STIM1: variants seen among roughly 807,000 people sequenced by gnomAD.
STIM1 encodes stromal interaction molecule 1.
In STIM1, 25 loss-of-function variants were observed where a neutral mutation model predicts 74.7. The observed-to-expected ratio is 0.33, with a 90% CI of 0.24 to 0.47. The LOEUF is 0.47. Ranked by LOEUF, STIM1 falls within the 20% of genes least tolerant of loss-of-function variation. The pLI is 1.00. For synonymous variants in STIM1, 328 were observed against 348.8 expected, an observed-to-expected ratio of 0.94 and a Z score of 0.66; for missense variants, 728 against 920.8, an observed-to-expected ratio of 0.79 and a Z score of 2.71.
chr11:4,070,653 A>G (rs2094397648), intron 6 of STIM1, among the ~76,000 whole-genome samples: 1 of 152,202 alleles, frequency 6.6e-6, no homozygotes, highest in Admixed American at 6.5e-5. Flanking sequence ...CTAACTTGCT[A>G]TATAACTTTG....
At chr11:4,087,761 T>C (rs530229049) in intron 12 of STIM1, among the ~76,000 whole-genome samples, 1 of 149,440 alleles carries the variant, frequency 6.7e-6, no homozygotes, top group African/African-American at 2.5e-5. Flanking sequence ...TAAAAAGACA[T>C]GATAAATTTG....
In STIM1 at chr11:3,856,114, G is replaced by A; in HGVS notation, c.-157G>A. Reference sequence around the variant, plus strand: ...CCCAAACTTGGAGCACTTGACCTTTGGCTGTTGGAGGGGGCAGGCTCGCGG... The same window carrying A: ...CCCAAACTTGGAGCACTTGACCTTTAGCTGTTGGAGGGGGCAGGCTCGCGG... On this transcript the variant is annotated 5_prime_UTR_variant, in exon 1 of 13. Transcript: ENST00000526596. The A allele has an allele frequency of 1.1e-6, 1 of 905,954 alleles. No homozygotes were observed. 56.1% of individuals were successfully genotyped at this position (905,954 alleles called of 1,614,324 possible). A position where few individuals can be genotyped will look rare whatever the true frequency, so the allele number is the denominator to read the frequency against.
At chr11:3,917,608 C>T (rs2092664863) in intron 1 of STIM1, among the ~76,000 whole-genome samples, 1 of 151,832 alleles carries the variant, frequency 6.6e-6, no homozygotes, top group South Asian at 2.1e-4. Flanking sequence ...ATAATTTTTG[C>T]ATTTTTTGTA....
intron 1 of STIM1, among the ~76,000 whole-genome samples, chr11:3,857,071 T>C (rs973573300): frequency 2.0e-5 from 3 of 147,124 alleles, no homozygotes; most frequent in African/African-American, 7.5e-5. Context: ...TTCTGACTGA[T>C]GAGGGTGGGA....
chr11:4,003,684 G>A (rs940447223), intron 2 of STIM1, among the ~76,000 whole-genome samples: 11 of 151,972 alleles, frequency 7.2e-5, no homozygotes, highest in East Asian at 3.9e-4. Context: ...GGCACAAGAC[G>A]GGATGCCCTC....
rs2094334845 is a variant in STIM1 at position 4,062,078 on chromosome 11, A to G, written c.613+2682A>G. Among the ~76,000 whole-genome samples the G allele has an allele frequency of 2.0e-5, 3 of 152,246 alleles. No individual in the cohort carries two copies. The South Asian group carries it at 6.2e-4, about 31-fold the overall frequency. ...TAGATAGAGGTAGTGGTTGCATAAC[A>G]TCATGAATGTGCTATATGCCACTGA... On this transcript the variant is annotated intron_variant, in intron 5 of 12. Coordinates refer to ENST00000526596, the MANE Select transcript of STIM1 (RefSeq NM_001382567.1).
intron 1 of STIM1, among the ~76,000 whole-genome samples, chr11:3,925,570 T>G (rs929234078): frequency 6.6e-6 from 1 of 152,250 alleles, no homozygotes; most frequent in African/African-American, 2.4e-5. Context: ...TCTTTGGACT[T>G]TAAACACTAC....
rs201177133 is a variant in STIM1 at position 3,967,607 on chromosome 11, C to T, written c.195C>T (p.Phe65=). ...LCHSEDEKLS[F]EAVRNIHKLM... ...ACAGTGAGGATGAGAAACTCAGCTTCGAGGCAGTCCGTAACATCCACAAAC... is the reference window on the plus strand; with the variant it reads ...ACAGTGAGGATGAGAAACTCAGCTTTGAGGCAGTCCGTAACATCCACAAAC... Residue 65 remains phenylalanine (F), a synonymous_variant, in exon 2 of 13, where the codon TTC becomes TTT. Transcript: ENST00000526596. The T allele has an allele frequency of 3.7e-5, 59 of 1,614,072 alleles. No individual in the cohort carries two copies. The highest frequency in any genetic ancestry group is 4.7e-5 in the Non-Finnish European group (56 of 1,180,044).
At chr11:3,888,174 CT>C (rs1158497253) in intron 1 of STIM1, 1 of 152,082 alleles carries the variant, frequency 6.6e-6, no homozygotes, top group African/African-American at 2.4e-5. Flanking sequence ...TTTAGGTCTG[CT>C]TGAGTTAAGG....
chr11:3,930,024 A>G (rs979287857), intron 1 of STIM1, among the ~76,000 whole-genome samples: 8 of 152,134 alleles, frequency 5.3e-5, no homozygotes, highest in African/African-American at 1.9e-4. Context: ...ATCCCCTTTT[A>G]GGAGGTAATG....
chr11:3,881,078 G>A (rs1307473169), intron 1 of STIM1, among the ~76,000 whole-genome samples: 5 of 146,808 alleles, frequency 3.4e-5, no homozygotes, highest in East Asian at 2.0e-4. Context: ...GTATGGTGAC[G>A]TAGGCCGTTT....
At chr11:3,878,121 G>A (rs544206723) in intron 1 of STIM1, among the ~76,000 whole-genome samples, 1 of 152,260 alleles carries the variant, frequency 6.6e-6, no homozygotes, top group South Asian at 2.1e-4. Flanking sequence ...TAAGGGTCCT[G>A]GCTGTGTCCT....
chr11:4,032,627 T>G (rs920922771), intron 3 of STIM1, among the ~76,000 whole-genome samples: 3 of 152,202 alleles, frequency 2.0e-5, no homozygotes, highest in Non-Finnish European at 2.9e-5. Context: ...TTCAAAATAC[T>G]GATGTTCTTT....
chr11:3,946,454 T>C (rs893368862), intron 1 of STIM1, among the ~76,000 whole-genome samples: 6 of 152,156 alleles, frequency 3.9e-5, no homozygotes, highest in African/African-American at 1.4e-4. Context: ...GAGGTGATGT[T>C]TTCTGGATAT....
At chr11:4,082,775 C>T in intron 8 of STIM1, 107 bp from the exon 9 acceptor site, 1 of 866,110 alleles carries the variant, frequency 1.2e-6, no homozygotes, top group Middle Eastern at 2.4e-4. Flanking sequence ...CTTGTACAGC[C>T]TCAGTTGTGC....
At chr11:3,883,092 G>T (rs2091577266) in intron 1 of STIM1, among the ~76,000 whole-genome samples, 1 of 151,476 alleles carries the variant, frequency 6.6e-6, no homozygotes. Context: ...AACATTTTGG[G>T]GCAAACCTTT....
chr11:4,032,477 C>G (rs2094059300), intron 3 of STIM1, among the ~76,000 whole-genome samples: 1 of 152,106 alleles, frequency 6.6e-6, no homozygotes, highest in Non-Finnish European at 1.5e-5. Flanking sequence ...GTAGTGTTAG[C>G]CCTCCAACTT....
At chr11:4,061,947 C>T (rs1358857954) in intron 5 of STIM1, among the ~76,000 whole-genome samples, 1 of 151,842 alleles carries the variant, frequency 6.6e-6, no homozygotes, top group Non-Finnish European at 1.5e-5. Context: ...TCCACAGAGA[C>T]AGAATGTAGA....
At chr11:3,894,262 T>C (rs1165956832) in intron 1 of STIM1, among the ~76,000 whole-genome samples, 1 of 152,198 alleles carries the variant, frequency 6.6e-6, no homozygotes, top group African/African-American at 2.4e-5. Context: ...TTGTTGTTTT[T>C]GGCTTACATT....
Sources: allele counts gnomAD v4.1 joint callset (sites outside exome capture counted in the v4.1 genomes callset), GRCh38; gene constraint gnomAD v4.1.1; transcripts MANE v1.5; gene names NCBI Gene and HGNC (gene_info 2026-07-23, HGNC 2026-07-21).